ACTR3B: variants seen among roughly 807,000 people sequenced by gnomAD.
The protein encoded by ACTR3B is actin related protein 3B, also known as actin-related protein 3B.
ACTR3B carries 8 observed loss-of-function variants against 59.0 expected under a neutral mutation model. The ratio of observed to expected loss-of-function variants is 0.14; its 90% CI spans 0.08 to 0.24. ACTR3B has a LOEUF of 0.24. ACTR3B is among the 10% of genes least tolerant of loss of function. The pLI, the probability that ACTR3B is intolerant of heterozygous loss-of-function variation, is 1.00. For synonymous variants in ACTR3B, 148 were observed against 197.9 expected, an observed-to-expected ratio of 0.75 and a Z score of 2.12; for missense variants, 245 against 552.3, an observed-to-expected ratio of 0.44 and a Z score of 5.58.
At chr7:152,765,414 G>C (rs1590187972) in intron 1 of ACTR3B, among the ~76,000 whole-genome samples, 1 of 147,460 alleles carries the variant, frequency 6.8e-6, no homozygotes, top group African/African-American at 2.5e-5. Flanking sequence ...ACTGCGCCTG[G>C]CTTTTTTTTT....
intron 6 of ACTR3B, among the ~76,000 whole-genome samples, chr7:152,819,305 G>A (rs1450512778): frequency 2.0e-5 from 3 of 152,216 alleles, no homozygotes; most frequent in Admixed American, 6.5e-5. Flanking sequence ...GAATACATCT[G>A]TAAAATGAAG....
intron 2 of ACTR3B, among the ~76,000 whole-genome samples, chr7:152,787,802 T>C (rs2116649402): frequency 6.6e-6 from 1 of 152,246 alleles, no homozygotes; most frequent in East Asian, 1.9e-4. Flanking sequence ...TGTTTTAATC[T>C]AGTGGGTTCG....
Position 152,854,737 on chromosome 7 carries a change from C to T in ACTR3B, c.*184C>T, listed in dbSNP as rs1213218669. The T allele has an allele frequency of 2.0e-5, 11 of 563,954 alleles. No homozygotes were observed. Among genetic ancestry groups the T allele is most frequent in the Admixed American group, 1.5e-4 (5 of 32,682 alleles). The allele number at this position is 563,954 out of a possible 1,614,324, so 34.9% of individuals were successfully genotyped here. A position where few individuals can be genotyped will look rare whatever the true frequency, so the allele number is the denominator to read the frequency against. On this transcript the variant is annotated 3_prime_UTR_variant, in exon 12 of 12. Coordinates refer to ENST00000256001, the MANE Select transcript of ACTR3B (RefSeq NM_020445.6). This position sits in a 1 kb window ranked among gnomAD's most constrained non-coding sequence, Gnocchi z 4.9. ...AAAAGCCATTTATCCGTGTGCCGAC[C>T]GCTGTCTGCCAGCCTCCTCCTTCTC...
intron 4 of ACTR3B, among the ~76,000 whole-genome samples, chr7:152,808,606 C>T (rs1185476881): frequency 2.0e-5 from 3 of 152,338 alleles, no homozygotes; most frequent in Non-Finnish European, 4.4e-5. Flanking sequence ...AAGAAACCTT[C>T]CCCAGCTCTA....
At chr7:152,843,632 T>C (rs955525363) in intron 9 of ACTR3B, among the ~76,000 whole-genome samples, 1 of 152,262 alleles carries the variant, frequency 6.6e-6, no homozygotes, top group Non-Finnish European at 1.5e-5. Context: ...ACTGAATAAT[T>C]TTTTAGTTAA....
Position 152,785,291 on chromosome 7 carries a change from A to G in ACTR3B, c.100+2049A>G, listed in dbSNP as rs528561522. Among the ~76,000 whole-genome samples the G allele has an allele frequency of 2.8e-5, 4 of 145,262 alleles. No homozygotes were observed. In the South Asian group the frequency reaches 9.4e-4, roughly 34 times the overall value. ...CTCAGGCTGCAGCTGTCAGAACCTT[A>G]GCAGTCGCAGAAGCTAGGAGGATAA... On this transcript the variant is annotated intron_variant, in intron 2 of 11. Transcript: ENST00000256001.
chr7:152,829,273 C>A (rs1796836467), intron 9 of ACTR3B, among the ~76,000 whole-genome samples: 1 of 152,104 alleles, frequency 6.6e-6, no homozygotes, highest in African/African-American at 2.4e-5. Context: ...CTCTTCCTAA[C>A]TGTACTCACC....
chr7:152,774,196 G>A (rs555948784), intron 1 of ACTR3B, among the ~76,000 whole-genome samples: 266 of 152,306 alleles, frequency 1.7e-3, no homozygotes, highest in African/African-American at 6.3e-3. Context: ...GAGTGCAATG[G>A]CGTGATCTCA....
intron 9 of ACTR3B, among the ~76,000 whole-genome samples, chr7:152,842,667 A>G (rs1377544303): frequency 6.6e-6 from 1 of 152,202 alleles, no homozygotes; most frequent in African/African-American, 2.4e-5. Context: ...CTGTGCCACA[A>G]GTCAGCCGTC....
chr7:152,804,100 G>C (rs1249896593), intron 4 of ACTR3B, among the ~76,000 whole-genome samples: 7 of 152,146 alleles, frequency 4.6e-5, no homozygotes, highest in Non-Finnish European at 8.8e-5. Flanking sequence ...TGAACATGCA[G>C]AGAGAATGAG....
chr7:152,796,891 T>G (rs2098218999), intron 2 of ACTR3B, among the ~76,000 whole-genome samples: 1 of 132,326 alleles, frequency 7.6e-6, no homozygotes, highest in African/African-American at 2.9e-5. Context: ...TTTTTTTTTT[T>G]TTTTTTTGTA....
intron 9 of ACTR3B, among the ~76,000 whole-genome samples, chr7:152,845,270 C>T (rs1265411137): frequency 3.9e-5 from 6 of 152,134 alleles, no homozygotes; most frequent in Non-Finnish European, 8.8e-5. Flanking sequence ...TCTGTCTCTC[C>T]TGTTCCACAT....
intron 1 of ACTR3B, among the ~76,000 whole-genome samples, chr7:152,773,941 C>G (rs372049390): frequency 1.3e-5 from 2 of 152,140 alleles, no homozygotes; most frequent in African/African-American, 4.8e-5. Flanking sequence ...CCACAGGTAC[C>G]TGGGCACCAA....
chr7:152,828,265 T>A (rs1458864121), intron 9 of ACTR3B, among the ~76,000 whole-genome samples: 5 of 150,922 alleles, frequency 3.3e-5, no homozygotes, highest in Admixed American at 3.3e-4. Context: ...TGTGGAAGAG[T>A]CACTGCCGAG....
At chr7:152,849,241 G>T (rs1250655442) in intron 9 of ACTR3B, among the ~76,000 whole-genome samples, 1 of 152,164 alleles carries the variant, frequency 6.6e-6, no homozygotes, top group African/African-American at 2.4e-5. Flanking sequence ...GATAGTCCCC[G>T]TAAGGCATGG....
chr7:152,853,623 C>T lies in ACTR3B; in HGVS notation c.1161+46C>T, dbSNP rs761766016. The T allele has an allele frequency of 3.6e-5, 56 of 1,555,756 alleles. No homozygotes were observed. The Admixed American group carries it at 4.4e-4, about 12-fold the overall frequency. ...CTCTGTGTCTCCATTCCTGTGCTCT[C>T]GGTTGAGTTTGGGTAAATACTGTCT... On this transcript the variant is annotated intron_variant, in intron 11 of 11. Coordinates refer to ENST00000256001, the MANE Select transcript of ACTR3B (RefSeq NM_020445.6).
At chr7:152,798,457 A>G (rs1252519496) in intron 2 of ACTR3B, among the ~76,000 whole-genome samples, 1 of 152,120 alleles carries the variant, frequency 6.6e-6, no homozygotes, top group African/African-American at 2.4e-5. Flanking sequence ...ATAGTTTGCA[A>G]ATAGTTTCTC....
chr7:152,820,272 G>A, intron 6 of ACTR3B, 27 bp from the exon 7 acceptor site: 20 of 1,574,914 alleles, frequency 1.3e-5, no homozygotes, highest in Non-Finnish European at 1.7e-5. Context: ...CACTAACACA[G>A]CTGTTCTGCC....
rs57120328 is a variant in ACTR3B at position 152,824,412 on chromosome 7, A to G, written c.859-618A>G. On this transcript the variant is annotated intron_variant, in intron 8 of 11. Transcript: ENST00000256001. This position sits in a 1 kb window ranked among gnomAD's most constrained non-coding sequence, Gnocchi z 4.2. ...CCTCTGAGAGTGCACATTCAAGCTT[A>G]CTTTGATTTTTTAAAATATTTCAAA... Among the ~76,000 whole-genome samples the G allele has an allele frequency of 0.019, 2,914 of 152,322 alleles. 70 individuals carry two copies. The highest frequency in any genetic ancestry group is 0.05 in the African/African-American group (2,071 of 41,564).
Sources: allele counts gnomAD v4.1 joint callset (sites outside exome capture counted in the v4.1 genomes callset), GRCh38; gene constraint gnomAD v4.1.1; non-coding constraint Gnocchi (gnomAD v3.1); transcripts MANE v1.5; gene names NCBI Gene and HGNC (gene_info 2026-07-23, HGNC 2026-07-21).